ANO1: variants seen among roughly 807,000 people sequenced by gnomAD.
ANO1 encodes the protein anoctamin-1.
In ANO1, 59 loss-of-function variants were observed where a neutral mutation model predicts 124.0. The ratio of observed to expected loss-of-function variants is 0.48; its 90% confidence interval spans 0.39 to 0.59. The LOEUF is 0.59. ANO1 is among the 20% of genes least tolerant of loss of function. The pLI is 0.00. For synonymous variants in ANO1, 529 were observed against 532.0 expected (o/e 0.99, Z 0.08); for missense variants, 1,059 against 1,328.0 (o/e 0.80, Z 3.15).
chr11:69,974,644 A>G, the ANO1 span, among the ~76,000 whole-genome samples: 1 of 152,196 alleles, frequency 6.6e-6, no homozygotes, highest in Non-Finnish European at 1.5e-5. Context: ...GCACCTGCTC[A>G]GTGTACCTCC....
intron 1 of ANO1, among the ~76,000 whole-genome samples, chr11:70,068,204 C>T (rs1235337924): frequency 6.6e-6 from 1 of 152,220 alleles, no homozygotes; most frequent in African/African-American, 2.4e-5. Flanking sequence ...ATCCTTGCCC[C>T]TAGGGAGAAC....
Position 70,182,571 on chromosome 11 carries a change from G to A in ANO1, c.2473G>A (p.Gly825Arg), listed in dbSNP as rs373835880. 32 of 1,613,616 alleles carry A rather than the reference G, an allele frequency of 2.0e-5. No individual in the cohort carries two copies. The highest frequency in any genetic ancestry group is 1.7e-4 in the Middle Eastern group (1 of 6,056). Residue 825 changes from glycine (G) to arginine (R), a missense_variant, in exon 24 of 26, where the codon GGG becomes AGG. Gly to Arg is a moderately radical substitution (Grantham distance 125, BLOSUM62 -2). Transcript: ENST00000355303. The stretch of plus-strand genomic sequence containing the variant: ...GTACCTCTACATGTACAGTAAGAAC[G>A]GGACCATGCACGGCTTCGTCAACCA... ...LVYLYMYSKN[G>R]TMHGFVNHTL...
chr11:70,170,750 G>A (rs2048430855), intron 21 of ANO1, 137 bp from the exon 22 acceptor site: 1 of 1,032,474 alleles, frequency 9.7e-7, no homozygotes, highest in African/African-American at 1.6e-5. Flanking sequence ...TGCATCTGCA[G>A]GTGGGGTCCA....
the ANO1 span, among the ~76,000 whole-genome samples, chr11:69,977,060 T>A: frequency 1.3e-5 from 2 of 152,122 alleles, no homozygotes; most frequent in African/African-American, 4.8e-5. Flanking sequence ...CTCTTCTGCT[T>A]CTCTAAGCGT....
chr11:70,177,279 CA>C, intron 22 of ANO1, among the ~76,000 whole-genome samples: 1 of 152,370 alleles, frequency 6.6e-6, no homozygotes, highest in Non-Finnish European at 1.5e-5. Flanking sequence ...CTCAGCGCCC[CA>C]AGGGCCAGGT....
chr11:70,037,359 T>C (rs1176852067), intron 1 of ANO1, among the ~76,000 whole-genome samples: 3 of 151,920 alleles, frequency 2.0e-5, no homozygotes, highest in Admixed American at 1.3e-4. Flanking sequence ...ATAGTTAATG[T>C]ATAGGGGTGG....
chr11:70,133,094 G>C (rs765328342), intron 11 of ANO1, among the ~76,000 whole-genome samples: 1 of 152,204 alleles, frequency 6.6e-6, no homozygotes, highest in South Asian at 2.1e-4. Flanking sequence ...GCAGGCTCCC[G>C]GGGCCAGAAT....
chr11:70,116,552 C>T, intron 8 of ANO1, 53 bp downstream of exon 8: 2 of 1,547,916 alleles, frequency 1.3e-6, no homozygotes, highest in South Asian at 2.4e-5. Flanking sequence ...TGGAGGCGTT[C>T]TGGGGCGGGG....
chr11:70,080,554 A>G (rs576621483), intron 1 of ANO1, among the ~76,000 whole-genome samples: 1 of 152,316 alleles, frequency 6.6e-6, no homozygotes, highest in South Asian at 2.1e-4. Context: ...TGAATGTTCA[A>G]TAAGAAATGG....
chr11:70,004,970 A>T (rs1209863773), intron 1 of ANO1, among the ~76,000 whole-genome samples: 1 of 152,090 alleles, frequency 6.6e-6, no homozygotes, highest in Non-Finnish European at 1.5e-5. Context: ...AAAATTAGCC[A>T]GGTGTGGTTG....
intron 16 of ANO1, 69 bp from the exon 17 acceptor site, chr11:70,161,092 G>A: frequency 1.4e-6 from 2 of 1,391,754 alleles, no homozygotes; most frequent in Non-Finnish European, 2.0e-6. Flanking sequence ...GACTGAGGGA[G>A]CAGATGGGGC....
At chr11:70,003,082 TG>T (rs1856416286) in intron 1 of ANO1, among the ~76,000 whole-genome samples, 2 of 152,120 alleles carry the variant, frequency 1.3e-5, no homozygotes, top group Non-Finnish European at 2.9e-5. Context: ...AATATCAAGC[TG>T]GGGGTAACTA....
At chr11:70,004,457 C>A (rs1856445953) in intron 1 of ANO1, among the ~76,000 whole-genome samples, 1 of 152,178 alleles carries the variant, frequency 6.6e-6, no homozygotes, top group East Asian at 1.9e-4. Context: ...TGCTCCTTCC[C>A]CAATTTAAGG....
intron 11 of ANO1, among the ~76,000 whole-genome samples, chr11:70,143,046 G>A (rs1590845713): frequency 6.6e-6 from 1 of 152,168 alleles, no homozygotes; most frequent in Non-Finnish European, 1.5e-5. Context: ...GAAGGGAAAT[G>A]GATAGGGACC....
intron 8 of ANO1, among the ~76,000 whole-genome samples, chr11:70,118,641 A>G (rs2046095789): frequency 9.0e-6 from 1 of 111,294 alleles, no homozygotes. Flanking sequence ...GAATGGGTGG[A>G]CGGATGAATA....
chr11:70,099,921 A>C (rs2045192611), intron 2 of ANO1, among the ~76,000 whole-genome samples: 1 of 152,142 alleles, frequency 6.6e-6, no homozygotes, highest in South Asian at 2.1e-4. Flanking sequence ...CTGCCCCTCG[A>C]GGGCCACAGA....
chr11:70,096,325 C>T (rs2044956974), intron 2 of ANO1, among the ~76,000 whole-genome samples: 1 of 152,142 alleles, frequency 6.6e-6, no homozygotes, highest in East Asian at 1.9e-4. Flanking sequence ...CCTCCTTTTC[C>T]TTCTCTTTCT....
rs184718789 is a variant in ANO1 at position 70,136,697 on chromosome 11, C to T, written c.1258+4618C>T. Among the ~76,000 whole-genome samples, 58 of 147,838 alleles carry T rather than the reference C, an allele frequency of 3.9e-4. 3 individuals carry two copies. The highest frequency in any genetic ancestry group is 1.3e-3 in the African/African-American group (54 of 41,396). ...CTTGCCTGGAAGCCGCCCTCAGACACGCTCAGCTCCACCACACGAGGGTGT... is the reference window on the plus strand; with the variant it reads ...CTTGCCTGGAAGCCGCCCTCAGACATGCTCAGCTCCACCACACGAGGGTGT... On this transcript the variant is annotated intron_variant, in intron 11 of 25. Transcript: ENST00000355303.
chr11:70,085,655 T>A, intron 1 of ANO1: 1 of 1,503,622 alleles, frequency 6.7e-7, no homozygotes, highest in South Asian at 1.3e-5. Flanking sequence ...ACCCTTGACA[T>A]CAACACCTAT....
Sources: allele counts gnomAD v4.1 joint callset (sites outside exome capture counted in the v4.1 genomes callset), GRCh38; gene constraint gnomAD v4.1.1; transcripts MANE v1.5; gene names NCBI Gene and HGNC (gene_info 2026-07-23, HGNC 2026-07-21).